Variants in TRIM9 observed in about 807,000 individuals in gnomAD.
The protein encoded by TRIM9 is E3 ubiquitin-protein ligase TRIM9.
In TRIM9, 26 loss-of-function variants were observed where a neutral mutation model predicts 78.3. That is an observed-to-expected ratio of 0.33 (90% CI 0.24 to 0.46). The LOEUF (loss-of-function observed/expected upper bound fraction) is 0.46. Ranked by LOEUF, TRIM9 falls within the 20% of genes least tolerant of loss-of-function variation. The probability of loss-of-function intolerance (pLI) is 1.00; values close to 1 mark genes in which losing one functional copy is unlikely to be tolerated. For missense variants in TRIM9, 787 were observed against 1,036.4 expected, an observed-to-expected ratio of 0.76 and a Z score of 3.30; for synonymous variants, 398 against 416.5, an observed-to-expected ratio of 0.96 and a Z score of 0.54.
intron 7 of TRIM9, among the ~76,000 whole-genome samples, chr14:50,989,743 G>A (rs1436326685): frequency 1.3e-5 from 2 of 152,132 alleles, no homozygotes; most frequent in African/African-American, 4.8e-5. Context: ...ACTCTAGGAC[G>A]GGACTGTGTT....
chr14:51,027,877 C>G (rs922606258), intron 1 of TRIM9, among the ~76,000 whole-genome samples: 1 of 151,806 alleles, frequency 6.6e-6, no homozygotes, highest in Admixed American at 6.6e-5. Context: ...GCTGGACTAC[C>G]ATAGTTTTCT....
Position 51,014,984 on chromosome 14 carries a change from G to T in TRIM9, c.1042-4490C>A, listed in dbSNP as rs2056998588. ...ACTAAAGCCTAAACCAGCTCCCACAGGACAGTGAATTAATCTGCAGTCCAC... is the reference window on the plus strand; with the variant it reads ...ACTAAAGCCTAAACCAGCTCCCACATGACAGTGAATTAATCTGCAGTCCAC... On this transcript the variant is annotated intron_variant, in intron 3 of 12. Coordinates refer to ENST00000684578, the MANE Select transcript of TRIM9 (RefSeq NM_001387360.1). Among the ~76,000 whole-genome samples the T allele has an allele frequency of 2.6e-5, 4 of 152,150 alleles. No individual in the cohort carries two copies. In the South Asian group the frequency reaches 8.3e-4, roughly 32 times the overall value.
intron 1 of TRIM9, among the ~76,000 whole-genome samples, chr14:51,043,663 G>T (rs1263492534): frequency 6.6e-6 from 1 of 152,158 alleles, no homozygotes; most frequent in African/African-American, 2.4e-5. Flanking sequence ...CTTTCTATGG[G>T]ATATGCACAG....
intron 11 of TRIM9, among the ~76,000 whole-genome samples, chr14:50,980,913 C>T (rs1377030132): frequency 6.6e-6 from 1 of 151,848 alleles, no homozygotes; most frequent in African/African-American, 2.4e-5. Context: ...AAAGATAAAA[C>T]AGTGGGGTCC....
chr14:51,009,357 T>A, intron 4 of TRIM9, 124 bp from the exon 5 acceptor site: 1 of 1,185,000 alleles, frequency 8.4e-7, no homozygotes, highest in Non-Finnish European at 1.2e-6. Context: ...TCTGACTGCC[T>A]CAGTGCTGTT....
chr14:51,080,828 G>A (rs529652642), intron 1 of TRIM9, among the ~76,000 whole-genome samples: 2 of 152,304 alleles, frequency 1.3e-5, no homozygotes, highest in South Asian at 2.1e-4. Flanking sequence ...GTAAGGAGGA[G>A]GAGGAACAGC....
rs115157674 is a variant in TRIM9, at chr14:51,011,232, G to A, written c.1042-738C>T. ...TAAATAGGCATCTCTCTGAGCAAGC[G>A]GTTTCTGCTTCTAAGAAGCTGTCTG... On this transcript the variant is annotated intron_variant, in intron 3 of 12. Coordinates refer to ENST00000684578, the MANE Select transcript of TRIM9 (RefSeq NM_001387360.1). Among the ~76,000 whole-genome samples, 907 of 152,304 alleles carry A rather than the reference G, an allele frequency of 6.0e-3. 9 individuals carry two copies. Among genetic ancestry groups the A allele is most frequent in the African/African-American group, 0.02 (836 of 41,572 alleles).
In TRIM9 at chr14:50,979,528, T is replaced by G; in HGVS notation, c.2184A>C (p.Lys728Asn). The part of the protein sequence containing the change: ...HTNRTEGGIT[K>N]GATIGVLLDL... ...CGAGGAGGACCCCAATTGTGGCCCC[T>G]TTTGTGATCCCTCCCTCAGTTCTGT... Residue 728 changes from lysine (K) to asparagine (N), a missense_variant, in exon 12 of 13, where the codon AAA (lysine) becomes AAC (asparagine). Physicochemically the swap from Lys to Asn is moderately conservative, Grantham distance 94. This residue lies in a region of TRIM9 where 421 missense variants were observed against 514.3 expected (regional missense o/e 0.82). Transcript: ENST00000684578. 1 of 1,613,998 alleles carries G rather than the reference T, an allele frequency of 6.2e-7. No homozygotes were observed. Among genetic ancestry groups the G allele is most frequent in the Non-Finnish European group, 8.5e-7 (1 of 1,179,924 alleles).
rs1419124781 is a variant in TRIM9, at chr14:51,035,664, A to G, written c.823-10304T>C. Among the ~76,000 whole-genome samples the G allele has an allele frequency of 2.6e-5, 4 of 152,350 alleles. No individual in the cohort carries two copies. The East Asian group carries it at 7.7e-4, about 29-fold the overall frequency. On this transcript the variant is annotated intron_variant, in intron 1 of 12. Coordinates refer to ENST00000684578, the MANE Select transcript of TRIM9 (RefSeq NM_001387360.1). Reference sequence around the variant, plus strand: ...GCCCAGTGTGGACGTGAAGGCAGCCAGAGAGATATGTAGAGAAAACAGCTT... The same window carrying G: ...GCCCAGTGTGGACGTGAAGGCAGCCGGAGAGATATGTAGAGAAAACAGCTT...
chr14:51,026,089 G>A (rs980725733), intron 1 of TRIM9, among the ~76,000 whole-genome samples: 1 of 152,172 alleles, frequency 6.6e-6, no homozygotes. Context: ...GGGAGGCCGT[G>A]GTACACAATC....
At chr14:51,041,938 T>G (rs141789479) in intron 1 of TRIM9, among the ~76,000 whole-genome samples, 2 of 152,250 alleles carry the variant, frequency 1.3e-5, no homozygotes, top group African/African-American at 4.8e-5. Flanking sequence ...TGTAACCTTG[T>G]ATCGCCGAAT....
intron 1 of TRIM9, among the ~76,000 whole-genome samples, chr14:51,080,853 A>T (rs566608450): frequency 6.6e-6 from 1 of 152,314 alleles, no homozygotes; most frequent in South Asian, 2.1e-4. Flanking sequence ...ATATCCAGGG[A>T]CCCTGATAAA....
chr14:50,996,559 T>G, intron 7 of TRIM9: 1 of 985,470 alleles, frequency 1.0e-6, no homozygotes, highest in Non-Finnish European at 1.2e-6. Flanking sequence ...CTCTCTGCTC[T>G]GCAGGCATGC....
chr14:51,085,433 T>C (rs2063661808), intron 1 of TRIM9, among the ~76,000 whole-genome samples: 1 of 150,330 alleles, frequency 6.7e-6, no homozygotes, highest in Admixed American at 6.6e-5. Flanking sequence ...TGCAAGGCTA[T>C]GAAAAACAGT....
intron 1 of TRIM9, among the ~76,000 whole-genome samples, chr14:51,053,560 T>A (rs1409952160): frequency 5.5e-5 from 8 of 144,868 alleles, no homozygotes; most frequent in Non-Finnish European, 1.0e-4. Context: ...TTTATTTATT[T>A]TTTTTTACTT....
At chr14:51,036,802 T>C (rs1234049233) in intron 1 of TRIM9, among the ~76,000 whole-genome samples, 6 of 152,200 alleles carry the variant, frequency 3.9e-5, no homozygotes, top group Non-Finnish European at 2.9e-5. Context: ...ATTTTAAAAC[T>C]AGATTTGTTT....
intron 3 of TRIM9, among the ~76,000 whole-genome samples, chr14:51,015,195 C>T (rs563234574): frequency 2.0e-5 from 3 of 152,158 alleles, no homozygotes; most frequent in African/African-American, 7.2e-5. Flanking sequence ...TGTTGTGTCT[C>T]TTTGAATTCT....
At chr14:51,027,830 C>A (rs1283572629) in intron 1 of TRIM9, among the ~76,000 whole-genome samples, 1 of 133,984 alleles carries the variant, frequency 7.5e-6, no homozygotes, top group Non-Finnish European at 1.6e-5. Context: ...TACTTTAGAA[C>A]TCATATCTTT....
At chr14:50,985,323 C>G (rs779429773) in intron 8 of TRIM9, among the ~76,000 whole-genome samples, 1 of 152,192 alleles carries the variant, frequency 6.6e-6, no homozygotes, top group African/African-American at 2.4e-5. Flanking sequence ...ATTCGGCTAG[C>G]AGTGATCCCA....
Sources: gnomAD v4.1 joint callset for allele counts (sites outside exome capture counted in the v4.1 genomes callset) on GRCh38, gnomAD v4.1.1 for gene constraint, gnomAD v4.1.1 regional missense constraint, MANE v1.5 for transcripts, NCBI Gene and HGNC (gene_info 2026-07-23, HGNC 2026-07-21) for gene names.